The following CREBBP variants were observed in gnomAD, a reference collection of about 807,000 sequenced individuals.
CREBBP encodes CREB binding lysine acetyltransferase.
In CREBBP, 19 loss-of-function variants were observed where a neutral mutation model predicts 265.0. The observed-to-expected ratio is 0.07, with a 90% CI of 0.05 to 0.11. CREBBP has a LOEUF of 0.11. CREBBP is among the 10% of genes least tolerant of loss of function. CREBBP has a pLI of 1.00. For synonymous variants in CREBBP, 1,457 were observed against 1,223.7 expected (o/e 1.19, Z -3.98); for missense variants, 2,525 against 3,219.0 (o/e 0.78, Z 5.22).
At chr16:3,833,793 C>A (rs2054389385) in intron 2 of CREBBP, among the ~76,000 whole-genome samples, 1 of 152,110 alleles carries the variant, frequency 6.6e-6, no homozygotes. Flanking sequence ...AAATTGACTT[C>A]ATTAAAATTA....
At position 3,880,078 on chromosome 16, in the gene CREBBP, G is replaced by A. The variant is rs1405542536; in HGVS notation, c.-162C>T. 1.4e-5 allele frequency: 5 copies of A among 356,948 alleles called. No homozygotes were observed. The highest frequency in any genetic ancestry group is 2.3e-5 in the Non-Finnish European group (5 of 217,076). 22.1% of individuals were successfully genotyped at this position (356,948 alleles called of 1,614,324 possible). A position where few individuals can be genotyped will look rare whatever the true frequency, so the allele number is the denominator to read the frequency against. On this transcript the variant is annotated 5_prime_UTR_variant, in exon 1 of 31. Coordinates refer to ENST00000262367, the MANE Select transcript of CREBBP (RefSeq NM_004380.3). ...GAGGGAGGGCGCAGGCCGGGTGGGG[G>A]AGGCGGCGGCCAAATCTCAGCCACA...
At position 3,731,451 on chromosome 16, in the gene CREBBP, T is replaced by C. The variant is rs1225386297; in HGVS notation, c.4913A>G (p.His1638Arg). ...CAGGGTGTTGATGACAGGCCCAGCG[T>C]GCAGGTGGATCACGAAGAAGACCTG... Reference protein sequence around the residue: ...HKEVFFVIHLHAGPVINTLPP... With the variant: ...HKEVFFVIHLRAGPVINTLPP... The change falls in exon 30 of 31, where the codon CAC (histidine) becomes CGC (arginine). Residue 1638 changes from histidine (H) to arginine (R), a missense_variant. Physicochemically the swap from His to Arg is conservative, Grantham distance 29. This residue lies in a region of CREBBP where 37 missense variants were observed against 34.1 expected (regional missense o/e 1.09). Transcript: ENST00000262367. The surrounding 1 kb of genome is among the most constrained non-coding windows in gnomAD (Gnocchi z 7.7). The C allele has an allele frequency of 6.3e-7, 1 of 1,594,044 alleles. No homozygotes were observed. The highest frequency in any genetic ancestry group is 8.5e-7 in the Non-Finnish European group (1 of 1,171,506).
At chr16:3,737,099 T>C (rs1415468481) in intron 26 of CREBBP, 2 of 522,450 alleles carry the variant, frequency 3.8e-6, no homozygotes, top group Non-Finnish European at 6.9e-6. Context: ...AACCAGGGAA[T>C]ATGATGGCTC....
rs2151308175 is a variant in CREBBP, at chr16:3,729,249, A to G, written c.5798T>C (p.Val1933Ala). The G allele has an allele frequency of 6.6e-7, 1 of 1,525,412 alleles. No individual in the cohort carries two copies. 94.5% of individuals were successfully genotyped at this position (1,525,412 alleles called of 1,614,324 possible). A position where few individuals can be genotyped will look rare whatever the true frequency, so the allele number is the denominator to read the frequency against. Reference sequence around the variant, plus strand: ...CTGGCTGGTAGGCTTCCCTGTGGACACCGTGGTGGGGGGCTGAGTCCGGGC... The same window carrying G: ...CTGGCTGGTAGGCTTCCCTGTGGACGCCGTGGTGGGGGGCTGAGTCCGGGC... ...SVARTQPPTTVSTGKPTSQVP... is the reference protein window; with the variant it reads ...SVARTQPPTTASTGKPTSQVP... The change falls in exon 31 of 31, where the codon GTG (valine) becomes GCG (alanine). Residue 1933 changes from valine to alanine, a missense_variant. This residue lies in a region of CREBBP where 275 missense variants were observed against 276.5 expected (regional missense o/e 0.99). Coordinates refer to ENST00000262367, the MANE Select transcript of CREBBP (RefSeq NM_004380.3).
intron 23 of CREBBP, among the ~76,000 whole-genome samples, chr16:3,744,209 G>A (rs3025680): frequency 1.3e-5 from 2 of 152,118 alleles, no homozygotes; most frequent in African/African-American, 4.8e-5. Context: ...GGCTCCTACC[G>A]CTCCTGGGGT....
At chr16:3,800,369 T>G (rs949569650) in intron 3 of CREBBP, among the ~76,000 whole-genome samples, 2 of 152,216 alleles carry the variant, frequency 1.3e-5, no homozygotes, top group Non-Finnish European at 2.9e-5. Flanking sequence ...TTATCTCGCC[T>G]TGGCCTCCCA....
chr16:3,854,687 T>C (rs1597062689), intron 1 of CREBBP, among the ~76,000 whole-genome samples: 1 of 152,228 alleles, frequency 6.6e-6, no homozygotes, highest in South Asian at 2.1e-4. Flanking sequence ...GCATTGGGAA[T>C]CTTTCTTCTT....
At chr16:3,762,696 C>A (rs916341264) in intron 16 of CREBBP, among the ~76,000 whole-genome samples, 6 of 152,164 alleles carry the variant, frequency 3.9e-5, no homozygotes, top group African/African-American at 1.4e-4. Flanking sequence ...TCGCAGTCCC[C>A]AGCCCCTGTG....
chr16:3,816,609 G>A (rs2141367030), intron 2 of CREBBP, among the ~76,000 whole-genome samples: 1 of 152,312 alleles, frequency 6.6e-6, no homozygotes, highest in East Asian at 1.9e-4. Flanking sequence ...GATCAACAAA[G>A]AGGAGGGAAA....
chr16:3,862,154 T>C (rs778184143), intron 1 of CREBBP, among the ~76,000 whole-genome samples: 1 of 152,138 alleles, frequency 6.6e-6, no homozygotes, highest in African/African-American at 2.4e-5. Flanking sequence ...AACACGTATG[T>C]CATATTTTAC....
intron 3 of CREBBP, among the ~76,000 whole-genome samples, chr16:3,810,267 A>G (rs1212108364): frequency 3.9e-5 from 6 of 152,200 alleles, no homozygotes; most frequent in Non-Finnish European, 8.8e-5. Flanking sequence ...GACATCATCA[A>G]GCCACTAACA....
intron 2 of CREBBP, among the ~76,000 whole-genome samples, chr16:3,829,822 A>C (rs960342196): frequency 9.2e-5 from 14 of 152,228 alleles, no homozygotes; most frequent in Non-Finnish European, 2.1e-4. Flanking sequence ...ACCCATAACC[A>C]GGAATTCTAT....
chr16:3,763,799 C>CT (rs2052780447), intron 16 of CREBBP, among the ~76,000 whole-genome samples: 1 of 151,626 alleles, frequency 6.6e-6, no homozygotes, highest in Admixed American at 6.6e-5. Context: ...TATCATTTGC[C>CT]TTTTGCACTA....
At chr16:3,844,288 T>C (rs1047548171) in intron 2 of CREBBP, among the ~76,000 whole-genome samples, 7 of 151,722 alleles carry the variant, frequency 4.6e-5, no homozygotes, top group Admixed American at 4.6e-4. Flanking sequence ...AAATTCTAAA[T>C]GAAGCACTAG....
At chr16:3,828,294 G>C (rs1271768437) in intron 2 of CREBBP, among the ~76,000 whole-genome samples, 1 of 152,122 alleles carries the variant, frequency 6.6e-6, no homozygotes, top group African/African-American at 2.4e-5. Context: ...GTTTCTCCAT[G>C]TTGGTCAGGC....
chr16:3,839,331 C>G (rs994928838), intron 2 of CREBBP, among the ~76,000 whole-genome samples: 1 of 152,116 alleles, frequency 6.6e-6, no homozygotes, highest in African/African-American at 2.4e-5. Flanking sequence ...CTACTATGTG[C>G]GTGTCAATCC....
chr16:3,762,604 G>A (rs1284021738), intron 16 of CREBBP, among the ~76,000 whole-genome samples: 1 of 152,132 alleles, frequency 6.6e-6, no homozygotes, highest in African/African-American at 2.4e-5. Flanking sequence ...CCGAGGACCT[G>A]CTCCACGCGG....
intron 28 of CREBBP, among the ~76,000 whole-genome samples, chr16:3,732,900 A>C (rs1049104372): frequency 2.0e-5 from 3 of 152,040 alleles, no homozygotes; most frequent in Non-Finnish European, 4.4e-5. Context: ...GGGTTTCACC[A>C]TGTTGGTCAG....
chr16:3,872,943 G>A (rs1433604552), intron 1 of CREBBP, among the ~76,000 whole-genome samples: 2 of 152,220 alleles, frequency 1.3e-5, no homozygotes, highest in Admixed American at 6.5e-5. Flanking sequence ...TTCTGCACAC[G>A]GGGACACTCA....
Sources: gnomAD v4.1 joint callset for allele counts (sites outside exome capture counted in the v4.1 genomes callset) on GRCh38, gnomAD v4.1.1 for gene constraint, gnomAD v4.1.1 regional missense constraint, Gnocchi (gnomAD v3.1) non-coding constraint, MANE v1.5 for transcripts, NCBI Gene and HGNC (gene_info 2026-07-23, HGNC 2026-07-21) for gene names.